Variants in POLR1C observed in about 807,000 individuals in gnomAD.
POLR1C encodes RNA polymerase I and III subunit C.
In POLR1C, 42 loss-of-function variants were observed where a neutral mutation model predicts 38.3. That is an observed-to-expected ratio of 1.10 (90% CI 0.86 to 1.42). The LOEUF is 1.42. POLR1C is among the 40% of genes most tolerant of loss of function. POLR1C has a pLI of 0.00. For missense variants in POLR1C, 507 were observed against 450.5 expected (o/e 1.13, Z -1.14); for synonymous variants, 163 against 163.9 (o/e 0.99, Z 0.04).
At chr6:43,560,033 G>C (rs1762330708) in intron 10 of POLR1C, 1 of 974,198 alleles carries the variant, frequency 1.0e-6, no homozygotes, top group Admixed American at 2.9e-5. Context: ...CGCACAGGCT[G>C]GTCTCCAACT....
Position 43,549,995 on chromosome 6 carries a change from T to C in POLR1C, c.*5-973T>C. On this transcript the variant is annotated intron_variant, in intron 9 of 10. Coordinates refer to the POLR1C transcript ENST00000607635. ...ATTTGTTTTAGAGATGAGATCTTGC[T>C]ATGTTGCCCAGACTAGACTTGAATT... 2.6e-6 allele frequency: 4 copies of C among 1,558,812 alleles called. No homozygotes were observed. The East Asian group carries it at 6.8e-5, about 27-fold the overall frequency.
intron 10 of POLR1C, among the ~76,000 whole-genome samples, chr6:43,556,344 T>C (rs1001692338): frequency 6.6e-6 from 1 of 151,972 alleles, no homozygotes; most frequent in Non-Finnish European, 1.5e-5. Flanking sequence ...GGCAATACAG[T>C]GAGACCCAGT....
downstream of POLR1C, chr6:43,533,931 C>T: frequency 4.4e-6 from 7 of 1,605,950 alleles, no homozygotes; most frequent in Non-Finnish European, 6.0e-6. Context: ...TTTTCCGCGT[C>T]AAGCATATCC....
At chr6:43,549,359 C>T (rs1019468237) in intron 9 of POLR1C, 12 of 890,270 alleles carry the variant, frequency 1.3e-5, no homozygotes, top group Middle Eastern at 3.7e-4. Flanking sequence ...CCACCATGCC[C>T]GGCCAAGGAT....
downstream of POLR1C, chr6:43,522,734 AC>A (rs753057562): frequency 1.0e-5 from 5 of 499,858 alleles, no homozygotes; most frequent in Non-Finnish European, 1.7e-5. Flanking sequence ...GACTGGATGG[AC>A]AACAGGTCTG....
intron 10 of POLR1C, chr6:43,551,421 C>A (rs1234217092): frequency 6.2e-7 from 1 of 1,613,804 alleles, no homozygotes; most frequent in East Asian, 2.2e-5. Context: ...GAACCATCTG[C>A]AATAGCTCTA....
chr6:43,558,878 A>G (rs1462510799), intron 10 of POLR1C: 2 of 309,240 alleles, frequency 6.5e-6, no homozygotes, highest in Non-Finnish European at 6.0e-6. Context: ...AAAAATGACA[A>G]TTCAGTATGT....
intron 9 of POLR1C, chr6:43,539,082 G>C: frequency 7.2e-7 from 1 of 1,393,360 alleles, no homozygotes; most frequent in Non-Finnish European, 1.0e-6. Flanking sequence ...TTGGGCACAG[G>C]TGCGGAGACA....
At chr6:43,522,602 G>A, downstream of POLR1C, 1 of 370,996 alleles carries the variant, frequency 2.7e-6, no homozygotes, top group South Asian at 2.0e-5. Context: ...AGCAACACAA[G>A]ACTCCCAACT....
At chr6:43,524,395 A>G, downstream of POLR1C, 3 of 1,520,180 alleles carry the variant, frequency 2.0e-6, no homozygotes, top group Non-Finnish European at 2.6e-6. Context: ...GTCAATAACT[A>G]CAGCTGGTTT....
chr6:43,534,784 G>C (rs888323573), intron 9 of POLR1C, among the ~76,000 whole-genome samples: 11 of 152,030 alleles, frequency 7.2e-5, no homozygotes, highest in Non-Finnish European at 1.5e-4. Flanking sequence ...AATTACCTGA[G>C]GTCAGGAGTT....
intron 10 of POLR1C, among the ~76,000 whole-genome samples, chr6:43,558,258 T>C (rs910082374): frequency 1.3e-5 from 2 of 152,144 alleles, no homozygotes; most frequent in African/African-American, 2.4e-5. Context: ...GCGTCTTAAG[T>C]ATGGTTACCA....
At chr6:43,531,924 C>A (rs986623767), downstream of POLR1C, among the ~76,000 whole-genome samples, 1 of 152,094 alleles carries the variant, frequency 6.6e-6, no homozygotes, top group African/African-American at 2.4e-5. Context: ...AAATCTTACA[C>A]AAAACACTAA....
intron 9 of POLR1C, among the ~76,000 whole-genome samples, chr6:43,540,649 G>A (rs993092548): frequency 2.6e-5 from 4 of 152,066 alleles, no homozygotes; most frequent in South Asian, 4.1e-4. Flanking sequence ...GTGACACTCC[G>A]TTTCAAAAAA....
Position 43,519,340 on chromosome 6 carries a change from G to A in POLR1C, c.149G>A (p.Arg50His), listed in dbSNP as rs368486399. 3.1e-5 allele frequency: 49 copies of A among 1,602,710 alleles called. No individual in the cohort carries two copies. Among genetic ancestry groups the A allele is most frequent in the South Asian group, 7.7e-5 (7 of 90,840 alleles). ...TTTTTCCTGTCCCTCTAGAATTTCC[G>A]TGTGGATGTAGTACACATGGATGAA... ...WDQDRFEKNF[R>H]VDVVHMDENS... Residue 50 changes from arginine to histidine, a missense_variant, in exon 3 of 9, where the codon CGT becomes CAT. Coordinates refer to ENST00000642195, the MANE Select transcript of POLR1C (RefSeq NM_203290.4).
downstream of POLR1C, chr6:43,522,741 GTC>G (rs1561860110): frequency 2.0e-6 from 1 of 497,068 alleles, no homozygotes; most frequent in Admixed American, 2.0e-5. Context: ...TGGACAACAG[GTC>G]TGTTTTTGTG....
chr6:43,549,123 G>A lies in POLR1C; in HGVS notation c.*5-1845G>A, dbSNP rs575280639. On this transcript the variant is annotated intron_variant, in intron 9 of 10. Coordinates refer to the POLR1C transcript ENST00000607635. ...TCGTTGCCCAGGCTGGAGCAATGGC[G>A]TGATCTTGGCTCACTGCAACCTCCG... Among the ~76,000 whole-genome samples, 7 of 152,250 alleles carry A rather than the reference G, an allele frequency of 4.6e-5. No homozygotes were observed. In the East Asian group the frequency reaches 1.4e-3, roughly 29 times the overall value.
At chr6:43,539,577 C>G in intron 9 of POLR1C, 2 of 1,360,354 alleles carry the variant, frequency 1.5e-6, no homozygotes, top group Non-Finnish European at 2.1e-6. Context: ...CAGCCCCGGC[C>G]CGGTCCACGG....
At chr6:43,551,548 G>C in intron 10 of POLR1C, 1 of 1,455,884 alleles carries the variant, frequency 6.9e-7, no homozygotes, top group African/African-American at 1.4e-5. Context: ...AAAGAGACAG[G>C]GTCTCATTCT....
Sources: gnomAD v4.1 joint callset for allele counts (sites outside exome capture counted in the v4.1 genomes callset) on GRCh38, gnomAD v4.1.1 for gene constraint, MANE v1.5 for transcripts, NCBI Gene and HGNC (gene_info 2026-07-23, HGNC 2026-07-21) for gene names.